DDAH1: variants seen among roughly 807,000 people sequenced by gnomAD.
The protein encoded by DDAH1 is N(G),N(G)-dimethylarginine dimethylaminohydrolase 1.
DDAH1 carries 19 observed loss-of-function variants against 28.8 expected under a neutral mutation model. That is an observed-to-expected ratio of 0.66 (90% confidence interval 0.46 to 0.97). DDAH1 has a LOEUF of 0.97. Among genes scored for constraint, DDAH1 ranks in the 50% least tolerant of loss-of-function variants. DDAH1 has a pLI of 0.00. For missense variants in DDAH1, 326 were observed against 375.9 expected (o/e 0.87, Z 1.10); for synonymous variants, 153 against 154.4 (o/e 0.99, Z 0.07).
rs115687004 is a variant in DDAH1, at chr1:85,464,847, C to T, written c.199G>A (p.Ala67Thr). 4 of 1,587,568 alleles carry T rather than the reference C, an allele frequency of 2.5e-6. No homozygotes were observed. Among genetic ancestry groups the T allele is most frequent in the Non-Finnish European group, 2.6e-6 (3 of 1,174,800 alleles). The change falls in exon 1 of 6, where the codon GCC becomes ACC. Residue 67 changes from alanine to threonine, a missense_variant. Coordinates refer to ENST00000284031, the MANE Select transcript of DDAH1 (RefSeq NM_012137.4). The surrounding 1 kb of genome is among the most constrained non-coding windows in gnomAD (Gnocchi z 4.4). Reference protein sequence around the residue: ...KLGLQVVELPADESLPDCVFV... With the variant: ...KLGLQVVELPTDESLPDCVFV... ...ACGCAGTCCGGAAGGCTCTCGTCGG[C>T]CGGCAGCTCCACCACCTGCAGCCCC... is the stretch of plus-strand genomic sequence containing the variant.
chr1:85,353,879 T>C (rs2100848630), intron 2 of DDAH1, among the ~76,000 whole-genome samples: 1 of 152,164 alleles, frequency 6.6e-6, no homozygotes, highest in Non-Finnish European at 1.5e-5. Context: ...ATTTATAGGG[T>C]GGCATGCATA....
chr1:85,513,395 A>G (rs1657319592), intron 1 of DDAH1, among the ~76,000 whole-genome samples: 1 of 152,204 alleles, frequency 6.6e-6, no homozygotes, highest in South Asian at 2.1e-4. Flanking sequence ...AACCATAAAA[A>G]CCCTAGAAGA....
chr1:85,451,121 T>A (rs1262601029), intron 1 of DDAH1, among the ~76,000 whole-genome samples: 3 of 152,098 alleles, frequency 2.0e-5, no homozygotes, highest in Admixed American at 6.5e-5. Flanking sequence ...GGTCTTACCA[T>A]CCTCCTGGCA....
chr1:85,343,390 G>A (rs186590969), intron 4 of DDAH1, among the ~76,000 whole-genome samples: 19 of 152,344 alleles, frequency 1.2e-4, no homozygotes, highest in African/African-American at 3.4e-4. Flanking sequence ...ATTGTCAGAT[G>A]AGGCAACTGC....
chr1:85,530,823 T>G (rs1418743466), intron 1 of DDAH1, among the ~76,000 whole-genome samples: 1 of 144,826 alleles, frequency 6.9e-6, no homozygotes, highest in East Asian at 2.0e-4. Context: ...CTGTCTCTAC[T>G]AAAAAAAGAA....
chr1:85,407,657 A>G (rs1652468260), intron 1 of DDAH1, among the ~76,000 whole-genome samples: 1 of 152,182 alleles, frequency 6.6e-6, no homozygotes, highest in Non-Finnish European at 1.5e-5. Context: ...TTAAATCTGA[A>G]AGGAGGCTTT....
At position 85,546,734 on chromosome 1, in the gene DDAH1, A is replaced by G. The variant is rs139506479; in HGVS notation, c.-123+31250T>C. ...GGTGGGGAGAAAATGGTCTTTCTGT[A>G]TACATGACAATAGGCAGAGCTTTAT... On this transcript the variant is annotated intron_variant, in intron 1 of 6. Transcript: ENST00000426972. Among the ~76,000 whole-genome samples the G allele has an allele frequency of 2.0e-4, 31 of 152,314 alleles. No homozygotes were observed. In the East Asian group the frequency reaches 5.8e-3, roughly 28 times the overall value.
chr1:85,335,046 C>T (rs368360455), intron 4 of DDAH1, among the ~76,000 whole-genome samples: 66 of 152,106 alleles, frequency 4.3e-4, no homozygotes, highest in Middle Eastern at 3.4e-3. Context: ...GGAAGTCCTA[C>T]GCCTGGAAGT....
chr1:85,440,822 G>A (rs1398603132), intron 1 of DDAH1, among the ~76,000 whole-genome samples: 2 of 139,702 alleles, frequency 1.4e-5, no homozygotes, highest in Non-Finnish European at 3.2e-5. Context: ...AAAAACTGAT[G>A]TCCAACTAAG....
At chr1:85,380,942 A>C (rs1021727630) in intron 1 of DDAH1, among the ~76,000 whole-genome samples, 1 of 152,202 alleles carries the variant, frequency 6.6e-6, no homozygotes, top group African/African-American at 2.4e-5. Context: ...TATAGACCTG[A>C]AAGATATATT....
Position 85,464,715 on chromosome 1 carries a change from C to G in DDAH1, c.303+28G>C, listed in dbSNP as rs1350023893. ...GCGGGGGAGGGCCTGGCGCGCGCCCCGGCCGCGCCCCTCGAGTCGGCAGTT... is the reference window on the plus strand; with the variant it reads ...GCGGGGGAGGGCCTGGCGCGCGCCCGGGCCGCGCCCCTCGAGTCGGCAGTT... On this transcript the variant is annotated intron_variant, in intron 1 of 5. Transcript: ENST00000284031. This position sits in a 1 kb window ranked among gnomAD's most constrained non-coding sequence, Gnocchi z 4.4. 3 of 1,449,944 alleles carry G rather than the reference C, an allele frequency of 2.1e-6. No homozygotes were observed. Among genetic ancestry groups the G allele is most frequent in the Non-Finnish European group, 2.7e-6 (3 of 1,109,860 alleles). 89.8% of individuals were successfully genotyped at this position (1,449,944 alleles called of 1,614,324 possible). A position where few individuals can be genotyped will look rare whatever the true frequency, so the allele number is the denominator to read the frequency against.
chr1:85,457,291 C>T (rs1328857013), intron 1 of DDAH1, among the ~76,000 whole-genome samples: 9 of 152,152 alleles, frequency 5.9e-5, no homozygotes, highest in Admixed American at 5.9e-4. Flanking sequence ...CTCTTCTCTG[C>T]CTTCCCCTGG....
At chr1:85,402,156 C>T (rs1228851143) in intron 1 of DDAH1, among the ~76,000 whole-genome samples, 1 of 138,104 alleles carries the variant, frequency 7.2e-6, no homozygotes, top group East Asian at 2.2e-4. Context: ...CCAGCTAATA[C>T]TTCTATTTTT....
In DDAH1 at chr1:85,319,655, C is replaced by G. The variant is rs1031939762; in HGVS notation, c.*1797G>C. The G allele has an allele frequency of 6.6e-6, 1 of 152,184 alleles. No homozygotes were observed. The highest frequency in any genetic ancestry group is 2.1e-4 in the South Asian group (1 of 4,834). 9.4% of individuals were successfully genotyped at this position (152,184 alleles called of 1,614,324 possible). On this transcript the variant is annotated 3_prime_UTR_variant, in exon 6 of 6. Coordinates refer to ENST00000284031, the MANE Select transcript of DDAH1 (RefSeq NM_012137.4). ...TCTGGTAAAAAGATATTATTCATCT[C>G]TGATGAGATGGTTCAAAATATGACA... is the stretch of plus-strand genomic sequence containing the variant.
At chr1:85,457,241 C>G (rs1189547710) in intron 1 of DDAH1, among the ~76,000 whole-genome samples, 1 of 152,118 alleles carries the variant, frequency 6.6e-6, no homozygotes, top group East Asian at 1.9e-4. Flanking sequence ...GACTATTACC[C>G]CCATCTTATC....
At chr1:85,554,716 T>C (rs897077846) in intron 1 of DDAH1, among the ~76,000 whole-genome samples, 3 of 152,188 alleles carry the variant, frequency 2.0e-5, no homozygotes, top group African/African-American at 7.2e-5. Flanking sequence ...AAAGAATCAA[T>C]TGTTTTTGGG....
intron 1 of DDAH1, among the ~76,000 whole-genome samples, chr1:85,500,114 T>TTTTCTTTCTTTC (rs199804690): frequency 4.9e-4 from 64 of 129,892 alleles, no homozygotes; most frequent in African/African-American, 1.6e-3. Context: ...CTTTCTTTTC[T>TTTTCTTTCTTTC]TTTCTTTCTT....
chr1:85,533,193 G>T lies in DDAH1; in HGVS notation c.-122-36912C>A, dbSNP rs554120811. Among the ~76,000 whole-genome samples the T allele has an allele frequency of 2.8e-4, 43 of 152,226 alleles. No homozygotes were observed. In the East Asian group the frequency reaches 7.9e-3, roughly 28 times the overall value. On this transcript the variant is annotated intron_variant, in intron 1 of 6. Coordinates refer to the DDAH1 transcript ENST00000426972. ...AAGACACCAAGTATTAATTTTCACC[G>T]TGTAGACATTAGAGGGAAAATCTCT...
rs1661256064 is a variant in DDAH1, at chr1:85,320,005, T to G, written c.*1447A>C. 6.6e-6 allele frequency: 1 copy of G among 152,228 alleles called. No homozygotes were observed. Among genetic ancestry groups the G allele is most frequent in the Admixed American group, 6.5e-5 (1 of 15,290 alleles). 9.4% of individuals were successfully genotyped at this position (152,228 alleles called of 1,614,324 possible). On this transcript the variant is annotated 3_prime_UTR_variant, in exon 6 of 6. Coordinates refer to ENST00000284031, the MANE Select transcript of DDAH1 (RefSeq NM_012137.4). ...GATACTTCTTAATCTCTTTGATTCT[T>G]AATCTTAAACAACAAGCCACAGGCA...
Sources: gnomAD v4.1 joint callset for allele counts (sites outside exome capture counted in the v4.1 genomes callset) on GRCh38, gnomAD v4.1.1 for gene constraint, Gnocchi (gnomAD v3.1) non-coding constraint, MANE v1.5 for transcripts, NCBI Gene and HGNC (gene_info 2026-07-23, HGNC 2026-07-21) for gene names.